The following TAF4B variants were observed in gnomAD, a reference collection of about 807,000 sequenced individuals.
TAF4B encodes the protein TATA-box binding protein associated factor 4b, also known as transcription initiation factor TFIID subunit 4B.
TAF4B carries 38 observed loss-of-function variants against 86.4 expected under a neutral mutation model. The observed-to-expected ratio is 0.44, with a 90% CI of 0.34 to 0.58. The LOEUF is 0.58. TAF4B is among the 20% of genes least tolerant of loss of function. The pLI is 0.02. For missense variants in TAF4B, 988 were observed against 1,027.6 expected (o/e 0.96, Z 0.53); for synonymous variants, 388 against 391.2 (o/e 0.99, Z 0.10).
intron 10 of TAF4B, among the ~76,000 whole-genome samples, chr18:26,317,291 G>A (rs1019199586): frequency 1.8e-4 from 28 of 151,998 alleles, no homozygotes; most frequent in African/African-American, 5.1e-4. Flanking sequence ...TTGGCCTCCC[G>A]AAATGCTGGG....
intron 9 of TAF4B, among the ~76,000 whole-genome samples, chr18:26,297,149 A>AG (rs1357640894): frequency 8.8e-4 from 134 of 151,840 alleles, no homozygotes; most frequent in African/African-American, 3.1e-3. Context: ...AAAAAAAAAA[A>AG]ATGTAGAAGT....
intron 14 of TAF4B, among the ~76,000 whole-genome samples, chr18:26,375,769 C>CA (rs1475945499): frequency 2.0e-5 from 3 of 151,748 alleles, no homozygotes; most frequent in Non-Finnish European, 2.9e-5. Flanking sequence ...TTGTCATATC[C>CA]AAAAAAACCA....
chr18:26,328,159 C>A (rs2057020368), intron 12 of TAF4B, among the ~76,000 whole-genome samples: 1 of 152,088 alleles, frequency 6.6e-6, no homozygotes, highest in Non-Finnish European at 1.5e-5. Context: ...TAAAAACTAA[C>A]GTATTTTGAG....
chr18:26,318,369 T>A (rs1438229238), intron 10 of TAF4B, among the ~76,000 whole-genome samples: 1 of 151,822 alleles, frequency 6.6e-6, no homozygotes, highest in Admixed American at 6.6e-5. Flanking sequence ...TTTTTTTTTT[T>A]AAAGTAGGAT....
Position 26,253,270 on chromosome 18 carries a change from C to CT in TAF4B, c.344-11895dup, listed in dbSNP as rs553808462. Reference sequence around the variant, plus strand: ...AATTTCTGTTTCTCTTTTTTTGGGTCTTTTTATCTGAAAGAAAGGCTTGTT... The same window carrying CT: ...AATTTCTGTTTCTCTTTTTTTGGGTCTTTTTTATCTGAAAGAAAGGCTTGTT... On this transcript the variant is annotated intron_variant, in intron 1 of 14. Coordinates refer to ENST00000269142, the MANE Select transcript of TAF4B (RefSeq NM_005640.3). Among the ~76,000 whole-genome samples, 20 of 152,110 alleles carry CT rather than the reference C, an allele frequency of 1.3e-4. 1 individual carries two copies. The South Asian group carries it at 3.3e-3, about 25-fold the overall frequency.
At chr18:26,233,073 T>C (rs1260311278) in intron 1 of TAF4B, among the ~76,000 whole-genome samples, 1 of 152,120 alleles carries the variant, frequency 6.6e-6, no homozygotes, top group African/African-American at 2.4e-5. Context: ...CAGATATAGG[T>C]TGAAGTTCCA....
At chr18:26,302,390 T>TG (rs1260478354) in intron 9 of TAF4B, among the ~76,000 whole-genome samples, 10 of 147,864 alleles carry the variant, frequency 6.8e-5, no homozygotes, top group Admixed American at 6.7e-4. Flanking sequence ...TTTTTTTTTT[T>TG]TTGAGAAATG....
intron 1 of TAF4B, among the ~76,000 whole-genome samples, chr18:26,229,754 C>T (rs368971923): frequency 3.3e-5 from 5 of 152,168 alleles, no homozygotes; most frequent in African/African-American, 7.2e-5. Context: ...CAGCCTGCTT[C>T]GGTCTCTCAG....
chr18:26,315,395 A>G lies in TAF4B; in HGVS notation c.1999A>G (p.Ile667Val), dbSNP rs201375657. Residue 667 changes from isoleucine to valine, a missense_variant, in exon 10 of 15, where the codon ATT becomes GTT. Physicochemically the swap from Ile to Val is conservative, Grantham distance 29. Coordinates refer to ENST00000269142, the MANE Select transcript of TAF4B (RefSeq NM_005640.3). ...IGALQKRILD[I>V]GKKHDITELN... Reference sequence around the variant, plus strand: ...AGCTCTACAAAAGAGAATTTTAGACATTGGTAAGTGTAGAGTTATGATTAT... The same window carrying G: ...AGCTCTACAAAAGAGAATTTTAGACGTTGGTAAGTGTAGAGTTATGATTAT... The G allele has an allele frequency of 4.3e-6, 7 of 1,610,788 alleles. No homozygotes were observed. Among genetic ancestry groups the G allele is most frequent in the Non-Finnish European group, 4.2e-6 (5 of 1,179,030 alleles).
chr18:26,355,675 G>T (rs575154132), intron 13 of TAF4B, among the ~76,000 whole-genome samples: 21 of 152,306 alleles, frequency 1.4e-4, no homozygotes, highest in Non-Finnish European at 2.6e-4. Context: ...TTTGAAGACA[G>T]TGGTCAGTTT....
In TAF4B at chr18:26,327,074, G is replaced by A. The variant is rs1191811686; in HGVS notation, c.2193G>A (p.Lys731=). Residue 731 remains lysine, a synonymous_variant, in exon 12 of 15, where the codon AAG becomes AAA. Transcript: ENST00000269142. ...DTRSQLKFLE[K]LDQLEKQRKD... ...GGTCACAGCTCAAATTTCTTGAAAAGCTGGATCAATTGGAGAAGCAGAGAA... is the reference window on the plus strand; with the variant it reads ...GGTCACAGCTCAAATTTCTTGAAAAACTGGATCAATTGGAGAAGCAGAGAA... 1.2e-6 allele frequency: 2 copies of A among 1,613,580 alleles called. No individual in the cohort carries two copies. The highest frequency in any genetic ancestry group is 1.7e-6 in the Non-Finnish European group (2 of 1,179,890).
intron 13 of TAF4B, among the ~76,000 whole-genome samples, chr18:26,351,688 C>T (rs962016209): frequency 2.0e-5 from 3 of 151,774 alleles, no homozygotes; most frequent in Admixed American, 6.6e-5. Flanking sequence ...CAGCAACAAA[C>T]AGAAAATAAA....
At chr18:26,280,102 CATT>C (rs1341515725) in intron 5 of TAF4B, among the ~76,000 whole-genome samples, 1 of 151,416 alleles carries the variant, frequency 6.6e-6, no homozygotes, top group African/African-American at 2.4e-5. Flanking sequence ...TGGGATAACT[CATT>C]ATCTATGTGC....
chr18:26,231,889 T>C (rs1160191819), intron 1 of TAF4B, among the ~76,000 whole-genome samples: 1 of 152,148 alleles, frequency 6.6e-6, no homozygotes, highest in Non-Finnish European at 1.5e-5. Flanking sequence ...AGTGGCCAGC[T>C]TTTATCCCCT....
At chr18:26,364,337 G>T (rs2057354083) in intron 14 of TAF4B, among the ~76,000 whole-genome samples, 1 of 152,124 alleles carries the variant, frequency 6.6e-6, no homozygotes, top group Non-Finnish European at 1.5e-5. Flanking sequence ...TTTGAAATGT[G>T]TCCTTTCCTT....
chr18:26,322,032 G>A (rs1246700933), intron 11 of TAF4B, among the ~76,000 whole-genome samples: 2 of 152,078 alleles, frequency 1.3e-5, no homozygotes, highest in East Asian at 3.9e-4. Flanking sequence ...TGGGTGATTA[G>A]GGATGAAAAG....
intron 5 of TAF4B, among the ~76,000 whole-genome samples, chr18:26,275,693 A>G (rs1377819457): frequency 2.0e-5 from 3 of 152,130 alleles, no homozygotes; most frequent in Non-Finnish European, 4.4e-5. Flanking sequence ...AAGGTTCATT[A>G]TTTAGTCAAT....
chr18:26,305,669 A>C (rs936463443), intron 9 of TAF4B, among the ~76,000 whole-genome samples: 5 of 152,144 alleles, frequency 3.3e-5, no homozygotes, highest in Non-Finnish European at 7.4e-5. Flanking sequence ...GGCCTCCCAA[A>C]TATTTGTTTT....
At chr18:26,255,147 C>T (rs2056063356) in intron 1 of TAF4B, among the ~76,000 whole-genome samples, 1 of 151,922 alleles carries the variant, frequency 6.6e-6, no homozygotes, top group Admixed American at 6.6e-5. Flanking sequence ...CCATCTCTGT[C>T]CCCTGAAATT....
Sources: allele counts gnomAD v4.1 joint callset (sites outside exome capture counted in the v4.1 genomes callset), GRCh38; gene constraint gnomAD v4.1.1; transcripts MANE v1.5; gene names NCBI Gene and HGNC (gene_info 2026-07-23, HGNC 2026-07-21).